GLYR1: variants seen among roughly 807,000 people sequenced by gnomAD.
The protein encoded by GLYR1 is glyoxylate reductase 1 homolog.
In GLYR1, 21 loss-of-function variants were observed where a neutral mutation model predicts 72.7. That is an observed-to-expected ratio of 0.29 (90% CI 0.20 to 0.42). GLYR1 has a LOEUF of 0.42. Ranked by LOEUF, GLYR1 falls within the 10% of genes least tolerant of loss-of-function variation. GLYR1 has a pLI of 1.00. For missense variants in GLYR1, 594 were observed against 712.1 expected (o/e 0.83, Z 1.89); for synonymous variants, 392 against 270.2 (o/e 1.45, Z -4.42).
intron 5 of GLYR1, among the ~76,000 whole-genome samples, chr16:4,824,531 G>C (rs913104784): frequency 1.2e-4 from 18 of 150,008 alleles, no homozygotes; most frequent in East Asian, 7.8e-4. Flanking sequence ...AAAAGAAACA[G>C]TAGTGGCTTC....
intron 5 of GLYR1, among the ~76,000 whole-genome samples, chr16:4,831,663 ATTCT>A (rs758917008): frequency 1.1e-4 from 17 of 152,144 alleles, no homozygotes; most frequent in Middle Eastern, 3.4e-3. Flanking sequence ...GGTCTATGGG[ATTCT>A]TTATTTTTTA....
In GLYR1 at chr16:4,808,334, C is replaced by T. The variant is rs963640574; in HGVS notation, c.1587+2836G>A. On this transcript the variant is annotated intron_variant, in intron 15 of 15. Transcript: ENST00000321919. ...AGTACTGGCTGGGTGCCATGGCTCA[C>T]GCCTGTAATCCCAGCACTTAGGTAG... 1.2e-4 allele frequency among the ~76,000 whole-genome samples: 18 copies of T among 151,610 alleles called. 1 individual carries two copies. Among genetic ancestry groups the T allele is most frequent in the South Asian group, 8.3e-4 (4 of 4,804 alleles).
At chr16:4,811,506 TGG>T in intron 14 of GLYR1, 115 bp downstream of exon 14, 2 of 1,367,524 alleles carry the variant, frequency 1.5e-6, no homozygotes, top group Non-Finnish European at 2.0e-6. Flanking sequence ...GAACCTCCTC[TGG>T]CCAGGGTCAG....
chr16:4,817,941 G>C (rs1209904297), intron 9 of GLYR1: 1 of 462,734 alleles, frequency 2.2e-6, no homozygotes, highest in African/African-American at 2.0e-5. Context: ...GACTGTCACA[G>C]AAAAAAGTAT....
At chr16:4,843,627 C>G in intron 3 of GLYR1, 1 of 1,289,068 alleles carries the variant, frequency 7.8e-7, no homozygotes. Context: ...CCAGGAAGAG[C>G]ATCTGACATA....
At chr16:4,813,279 CCAA>C (rs2083434038) in intron 12 of GLYR1, among the ~76,000 whole-genome samples, 2 of 152,154 alleles carry the variant, frequency 1.3e-5, no homozygotes, top group Admixed American at 1.3e-4. Context: ...TTCTTAGAGA[CCAA>C]CAACTAGAAC....
intron 3 of GLYR1, among the ~76,000 whole-genome samples, chr16:4,833,870 C>G (rs1641334077): frequency 6.6e-6 from 1 of 152,128 alleles, no homozygotes; most frequent in African/African-American, 2.4e-5. Context: ...AATCCAAGCA[C>G]AAAATAATTT....
chr16:4,806,083 G>C (rs1351182424), intron 15 of GLYR1, among the ~76,000 whole-genome samples: 1 of 152,238 alleles, frequency 6.6e-6, no homozygotes, highest in East Asian at 1.9e-4. Flanking sequence ...CTCAGAGTGA[G>C]AGTTCTCACA....
chr16:4,817,858 C>G, intron 9 of GLYR1, 161 bp from the exon 10 acceptor site: 1 of 616,726 alleles, frequency 1.6e-6, no homozygotes, highest in South Asian at 1.9e-5. Context: ...CCAGGGGCGT[C>G]ATGCACATGG....
chr16:4,804,365 C>T lies in GLYR1; in HGVS notation c.*871G>A, dbSNP rs2082852260. ...GAAAGGAGCGCCCCCAACCCCCACTCCTCTTGGCTCATCACTAGTGGCCCT... is the reference window on the plus strand; with the variant it reads ...GAAAGGAGCGCCCCCAACCCCCACTTCTCTTGGCTCATCACTAGTGGCCCT... On this transcript the variant is annotated 3_prime_UTR_variant, in exon 16 of 16. Coordinates refer to ENST00000321919, the MANE Select transcript of GLYR1 (RefSeq NM_032569.4). 6.5e-6 allele frequency: 1 copy of T among 153,136 alleles called. No homozygotes were observed. Among genetic ancestry groups the T allele is most frequent in the Non-Finnish European group, 1.5e-5 (1 of 68,436 alleles). The allele number at this position is 153,136 out of a possible 1,614,324, so 9.5% of individuals were successfully genotyped here.
intron 3 of GLYR1, among the ~76,000 whole-genome samples, chr16:4,837,424 T>A (rs1217356713): frequency 6.6e-6 from 1 of 150,516 alleles, no homozygotes; most frequent in Non-Finnish European, 1.5e-5. Context: ...GAGCAAGACT[T>A]GGTCTTTAAA....
At chr16:4,842,386 G>A (rs901567965) in intron 3 of GLYR1, among the ~76,000 whole-genome samples, 2 of 152,014 alleles carry the variant, frequency 1.3e-5, no homozygotes, top group Non-Finnish European at 2.9e-5. Flanking sequence ...GTCTAGCTCT[G>A]TCACCCAGAC....
Position 4,805,225 on chromosome 16 carries a change from G to C in GLYR1, c.*11C>G. The C allele has an allele frequency of 1.2e-6, 2 of 1,613,140 alleles. No individual in the cohort carries two copies. Among genetic ancestry groups the C allele is most frequent in the Non-Finnish European group, 1.7e-6 (2 of 1,179,306 alleles). On this transcript the variant is annotated 3_prime_UTR_variant, in exon 16 of 16. Coordinates refer to ENST00000321919, the MANE Select transcript of GLYR1 (RefSeq NM_032569.4). ...GGGGGATTGGAGGGGTGAGGGCGGG[G>C]TGTCGACAGCTTAGTGTATGTAGGC...
chr16:4,831,916 C>T, intron 5 of GLYR1, 63 bp downstream of exon 5: 2 of 1,562,478 alleles, frequency 1.3e-6, no homozygotes, highest in Non-Finnish European at 1.7e-6. Context: ...TACTGTAGAG[C>T]TTAACTCTAC....
In GLYR1 at chr16:4,809,191, T is replaced by G. The variant is rs1011086947; in HGVS notation, c.1587+1979A>C. Among the ~76,000 whole-genome samples, 1,056 of 135,844 alleles carry G rather than the reference T, an allele frequency of 7.8e-3. 12 individuals are homozygous for G. The highest frequency in any genetic ancestry group is 0.029 in the African/African-American group (1,007 of 35,314). 89.1% of individuals were successfully genotyped at this position (135,844 alleles called of 152,430 possible). ...TGAGAAGGCTGTAGCAGCTTTCGTTTTTTTTTTTTTTTTTTTGCGATGGAG... is the reference window on the plus strand; with the variant it reads ...TGAGAAGGCTGTAGCAGCTTTCGTTGTTTTTTTTTTTTTTTTGCGATGGAG... On this transcript the variant is annotated intron_variant, in intron 15 of 15. Transcript: ENST00000321919.
chr16:4,836,218 CA>C (rs1156888473), intron 3 of GLYR1, among the ~76,000 whole-genome samples: 1 of 152,224 alleles, frequency 6.6e-6, no homozygotes, highest in Non-Finnish European at 1.5e-5. Context: ...AATAAATAAT[CA>C]CTGGGTAAAT....
Position 4,832,895 on chromosome 16 carries a change from T to C in GLYR1, c.173A>G (p.Glu58Gly). 6.2e-7 allele frequency: 1 copy of C among 1,612,000 alleles called. No individual in the cohort carries two copies. The highest frequency in any genetic ancestry group is 1.1e-5 in the South Asian group (1 of 90,390). ...ATGAGCATGATATGGCTTCAGCTGT[T>C]CCACTTTGATCCAGGCACTAGCAGA... ...GTEDHAWIKVEQLKPYHAHKE... is the reference protein window; with the variant it reads ...GTEDHAWIKVGQLKPYHAHKE... Residue 58 changes from glutamate (E) to glycine (G), a missense_variant, in exon 4 of 16, where the codon GAA (glutamate) becomes GGA (glycine). Glu to Gly is a moderately conservative substitution (Grantham distance 98). Coordinates refer to ENST00000321919, the MANE Select transcript of GLYR1 (RefSeq NM_032569.4).
chr16:4,804,173 G>A lies in GLYR1; in HGVS notation c.*1063C>T, dbSNP rs1055753736. The A allele has an allele frequency of 6.6e-6, 1 of 152,482 alleles. No homozygotes were observed. Among genetic ancestry groups the A allele is most frequent in the African/African-American group, 2.4e-5 (1 of 41,444 alleles). The allele number at this position is 152,482 out of a possible 1,614,324, so 9.4% of individuals were successfully genotyped here. A position where few individuals can be genotyped will look rare whatever the true frequency, so the allele number is the denominator to read the frequency against. The stretch of plus-strand genomic sequence containing the variant: ...TCTGGGCCAAAGGGACAGACAGAAA[G>A]AAATACTGTCTCCACGGGAGGAAGA... On this transcript the variant is annotated 3_prime_UTR_variant, in exon 16 of 16. Transcript: ENST00000321919.
Position 4,821,458 on chromosome 16 carries a change from G to A in GLYR1, c.733-5C>T, listed in dbSNP as rs773333429. On this transcript the variant is annotated splice_polypyrimidine_tract_variant and splice_region_variant and intron_variant, in intron 8 of 15. Transcript: ENST00000321919. ...GATGGAGGTGGAGCCAGTTTCCTACGGACAGGAAGCACACATCATCAAGTC... is the reference window on the plus strand; with the variant it reads ...GATGGAGGTGGAGCCAGTTTCCTACAGACAGGAAGCACACATCATCAAGTC... 2.2e-5 allele frequency: 35 copies of A among 1,613,940 alleles called. No homozygotes were observed. Among genetic ancestry groups the A allele is most frequent in the Non-Finnish European group, 2.7e-5 (32 of 1,180,058 alleles).
Sources: allele counts gnomAD v4.1 joint callset (sites outside exome capture counted in the v4.1 genomes callset), GRCh38; gene constraint gnomAD v4.1.1; transcripts MANE v1.5; gene names NCBI Gene and HGNC (gene_info 2026-07-23, HGNC 2026-07-21).